LIN7A: variants seen among roughly 807,000 people sequenced by gnomAD.
The protein encoded by LIN7A is protein lin-7 homolog A.
In LIN7A, 25 loss-of-function variants were observed where a neutral mutation model predicts 29.8. The ratio of observed to expected loss-of-function variants is 0.84; its 90% CI spans 0.61 to 1.17. LIN7A has a LOEUF of 1.17. LIN7A is among the 50% of genes most tolerant of loss of function. The pLI, the probability that LIN7A is intolerant of heterozygous loss-of-function variation, is 0.00. For synonymous variants in LIN7A, 118 were observed against 107.5 expected, an observed-to-expected ratio of 1.10 and a Z score of -0.60; for missense variants, 239 against 287.0, an observed-to-expected ratio of 0.83 and a Z score of 1.21.
intron 2 of LIN7A, among the ~76,000 whole-genome samples, chr12:80,851,624 T>C (rs1592894938): frequency 6.6e-6 from 1 of 152,148 alleles, no homozygotes; most frequent in Admixed American, 6.6e-5. Flanking sequence ...CAAAGTATTT[T>C]ACCAGATACC....
chr12:80,860,841 A>G (rs1159217615), intron 2 of LIN7A: 1 of 152,194 alleles, frequency 6.6e-6, no homozygotes, highest in East Asian at 1.9e-4. Flanking sequence ...TGTCATCTGA[A>G]AATGCTATCT....
At chr12:80,899,950 G>A (rs577937361) in intron 1 of LIN7A, among the ~76,000 whole-genome samples, 98 of 151,400 alleles carry the variant, frequency 6.5e-4, no homozygotes, top group African/African-American at 2.3e-3. Flanking sequence ...TGTATTTTTA[G>A]TAGAGACGGG....
intron 1 of LIN7A, among the ~76,000 whole-genome samples, chr12:80,919,647 G>A (rs527997580): frequency 1.3e-5 from 2 of 152,300 alleles, no homozygotes; most frequent in Non-Finnish European, 2.9e-5. Flanking sequence ...GAAAGAGAGG[G>A]CAGGAAACAG....
At chr12:80,915,174 A>C (rs528268373) in intron 1 of LIN7A, among the ~76,000 whole-genome samples, 1 of 151,316 alleles carries the variant, frequency 6.6e-6, no homozygotes, top group Admixed American at 6.6e-5. Context: ...AAACAAAAAA[A>C]CAAAAAAAAT....
At chr12:80,842,033 G>C (rs1872845862) in intron 4 of LIN7A, 1 of 1,282,650 alleles carries the variant, frequency 7.8e-7, no homozygotes, top group Non-Finnish European at 1.0e-6. Context: ...CATTCCCATG[G>C]GAAATTTCTC....
chr12:80,906,299 TCTA>T (rs940167701), intron 1 of LIN7A, among the ~76,000 whole-genome samples: 3 of 152,214 alleles, frequency 2.0e-5, no homozygotes, highest in Non-Finnish European at 4.4e-5. Flanking sequence ...CAGCTCTCAC[TCTA>T]CTATTTGCAT....
intron 1 of LIN7A, among the ~76,000 whole-genome samples, chr12:80,901,558 T>C (rs1876214971): frequency 6.6e-6 from 1 of 152,054 alleles, no homozygotes; most frequent in Admixed American, 6.5e-5. Context: ...CCTGTAATTA[T>C]TATCAGTAAA....
At chr12:80,831,083 G>A (rs1872325503) in intron 4 of LIN7A, among the ~76,000 whole-genome samples, 1 of 151,960 alleles carries the variant, frequency 6.6e-6, no homozygotes. Flanking sequence ...GGACTTTTTT[G>A]TCTCTTTTTT....
chr12:80,810,469 C>A (rs1266070374), intron 5 of LIN7A, among the ~76,000 whole-genome samples: 1 of 149,986 alleles, frequency 6.7e-6, no homozygotes, highest in Non-Finnish European at 1.5e-5. Context: ...CACATACTTA[C>A]CACATTTAAA....
chr12:80,888,919 C>G (rs1875476745), intron 2 of LIN7A, among the ~76,000 whole-genome samples: 1 of 152,050 alleles, frequency 6.6e-6, no homozygotes. Context: ...TAGACAAACT[C>G]AGCCCCCATT....
intron 4 of LIN7A, chr12:80,845,488 G>A: frequency 2.5e-6 from 1 of 398,510 alleles, no homozygotes; most frequent in Non-Finnish European, 4.4e-6. Context: ...TCAGCTAGTT[G>A]GATTAATTTC....
chr12:80,912,737 A>C (rs1236236015), intron 1 of LIN7A, among the ~76,000 whole-genome samples: 4 of 151,770 alleles, frequency 2.6e-5, no homozygotes, highest in Admixed American at 6.6e-5. Flanking sequence ...AAAGAAAAGA[A>C]AAGAAAAAGA....
intron 5 of LIN7A, among the ~76,000 whole-genome samples, chr12:80,805,658 A>G (rs1870940472): frequency 6.6e-6 from 1 of 152,074 alleles, no homozygotes; most frequent in Non-Finnish European, 1.5e-5. Flanking sequence ...GTCACAATAA[A>G]AAACTGAGGT....
At chr12:80,858,612 C>A (rs183455674) in intron 2 of LIN7A, among the ~76,000 whole-genome samples, 27 of 151,784 alleles carry the variant, frequency 1.8e-4, no homozygotes, top group Admixed American at 5.3e-4. Flanking sequence ...CAGGAAATGC[C>A]TGAGCAAAAT....
At chr12:80,821,927 T>G (rs1871827223) in intron 4 of LIN7A, among the ~76,000 whole-genome samples, 2 of 152,212 alleles carry the variant, frequency 1.3e-5, no homozygotes, top group South Asian at 4.1e-4. Flanking sequence ...GTGCAGGCAC[T>G]GTTGCAACCA....
chr12:80,868,661 G>A (rs556657564), intron 2 of LIN7A, among the ~76,000 whole-genome samples: 2 of 152,304 alleles, frequency 1.3e-5, no homozygotes, highest in African/African-American at 2.4e-5. Context: ...CATGTGTTAC[G>A]TGTCTTTTGA....
chr12:80,837,167 G>T (rs981480429), intron 4 of LIN7A, among the ~76,000 whole-genome samples: 1 of 152,024 alleles, frequency 6.6e-6, no homozygotes, highest in African/African-American at 2.4e-5. Context: ...TGGACAACTG[G>T]TTCCATTCCA....
intron 1 of LIN7A, among the ~76,000 whole-genome samples, chr12:80,908,999 A>G (rs1185799814): frequency 6.6e-6 from 1 of 152,106 alleles, no homozygotes; most frequent in African/African-American, 2.4e-5. Flanking sequence ...ATCCTTTTCT[A>G]TTATGATACG....
chr12:80,800,482 T>C (rs1870665150), intron 5 of LIN7A, among the ~76,000 whole-genome samples: 1 of 70,452 alleles, frequency 1.4e-5, no homozygotes, highest in African/African-American at 6.7e-5. Flanking sequence ...AGAGTGAAAC[T>C]CCGTCTCAAA....
Sources: allele counts gnomAD v4.1 joint callset (sites outside exome capture counted in the v4.1 genomes callset), GRCh38; gene constraint gnomAD v4.1.1; transcripts MANE v1.5; gene names NCBI Gene and HGNC (gene_info 2026-07-23, HGNC 2026-07-21).